KCNQ1: variants seen among roughly 807,000 people sequenced by gnomAD.
KCNQ1 encodes potassium voltage-gated channel subfamily KQT member 1.
KCNQ1 carries 49 observed loss-of-function variants against 72.4 expected under a neutral mutation model. The observed-to-expected ratio is 0.68, with a 90% CI of 0.54 to 0.86. KCNQ1 has a LOEUF of 0.86. Ranked by LOEUF, KCNQ1 falls within the 40% of genes least tolerant of loss-of-function variation. KCNQ1 has a pLI of 0.00. For synonymous variants in KCNQ1, 450 were observed against 412.6 expected (o/e 1.09, Z -1.10); for missense variants, 790 against 945.1 (o/e 0.84, Z 2.15).
chr11:2,532,304 C>G (rs1318016356), intron 2 of KCNQ1, among the ~76,000 whole-genome samples: 2 of 152,232 alleles, frequency 1.3e-5, no homozygotes, highest in Admixed American at 1.3e-4. Context: ...GCATCAAATG[C>G]ATAGGCCAGA....
At chr11:2,554,433 C>T (rs906051221) in intron 2 of KCNQ1, among the ~76,000 whole-genome samples, 16 of 152,306 alleles carry the variant, frequency 1.1e-4, no homozygotes, top group Admixed American at 9.8e-4. Flanking sequence ...GAAACAAGAC[C>T]ATGTTGTGCT....
rs138349214 is a variant in KCNQ1, at chr11:2,457,456, A to G, written c.386+11972A>G. On this transcript the variant is annotated intron_variant, in intron 1 of 15. Transcript: ENST00000155840. The surrounding 1 kb of genome is among the most constrained non-coding windows in gnomAD (Gnocchi z 5.0). ...CCATGGAATACTATGCAGACGTGAA[A>G]ATCATGTCCTTTGCAGCAACATGGA... 2.0e-5 allele frequency among the ~76,000 whole-genome samples: 3 copies of G among 152,200 alleles called. No homozygotes were observed. Among genetic ancestry groups the G allele is most frequent in the African/African-American group, 7.2e-5 (3 of 41,448 alleles).
At chr11:2,461,683 G>C (rs564790306) in intron 1 of KCNQ1, 1 of 1,367,216 alleles carries the variant, frequency 7.3e-7, no homozygotes, top group African/African-American at 1.5e-5. Context: ...AAGAGCCTGT[G>C]CTTCCTGAGC....
rs990513138 is a variant in KCNQ1, at chr11:2,750,800, T to C, written c.1515-18044T>C. On this transcript the variant is annotated intron_variant, in intron 11 of 15. Coordinates refer to ENST00000155840, the MANE Select transcript of KCNQ1 (RefSeq NM_000218.3). This position sits in a 1 kb window ranked among gnomAD's most constrained non-coding sequence, Gnocchi z 6.3. The stretch of plus-strand genomic sequence containing the variant: ...CACTGAAAACACTTTTCTTGTTTTC[T>C]TTCTCCGGCATGCTGGAAGCCGGCC... Among the ~76,000 whole-genome samples, 5 of 152,204 alleles carry C rather than the reference T, an allele frequency of 3.3e-5. No individual in the cohort carries two copies. The highest frequency in any genetic ancestry group is 4.4e-5 in the Non-Finnish European group (3 of 68,040).
At position 2,588,290 on chromosome 11, in the gene KCNQ1, C is replaced by T. The variant is rs1281231863; in HGVS notation, c.1252-423C>T. ...GCTGCCGGTGGAGCCTCCGTGCCTA[C>T]TGTTCCCTGTGCTGGAATGTTCCCC... On this transcript the variant is annotated intron_variant, in intron 9 of 15. Transcript: ENST00000155840. The surrounding 1 kb of genome is among the most constrained non-coding windows in gnomAD (Gnocchi z 5.6). Among the ~76,000 whole-genome samples the T allele has an allele frequency of 6.6e-6, 1 of 152,048 alleles. No individual in the cohort carries two copies. The highest frequency in any genetic ancestry group is 1.5e-5 in the Non-Finnish European group (1 of 67,998).
chr11:2,599,322 G>C lies in KCNQ1; in HGVS notation c.1393+10468G>C, dbSNP rs906990147. The stretch of plus-strand genomic sequence containing the variant: ...GTAAAATAGTAAAAATGCCTCTAAG[G>C]CTGCTGAAACAATTTTATTTTGATT... On this transcript the variant is annotated intron_variant, in intron 10 of 15. Coordinates refer to ENST00000155840, the MANE Select transcript of KCNQ1 (RefSeq NM_000218.3). This position sits in a 1 kb window ranked among gnomAD's most constrained non-coding sequence, Gnocchi z 4.7. 6.6e-6 allele frequency among the ~76,000 whole-genome samples: 1 copy of C among 152,026 alleles called. No individual in the cohort carries two copies. The highest frequency in any genetic ancestry group is 2.4e-5 in the African/African-American group (1 of 41,408).
chr11:2,448,678 T>G (rs1186097607), intron 1 of KCNQ1, among the ~76,000 whole-genome samples: 4 of 152,200 alleles, frequency 2.6e-5, no homozygotes, highest in Admixed American at 6.5e-5. Flanking sequence ...CCATCTTCTT[T>G]AAGATCTGTC....
rs1484374110 is a variant in KCNQ1, at chr11:2,475,054, C to T, written c.386+29570C>T. Among the ~76,000 whole-genome samples the T allele has an allele frequency of 1.3e-5, 2 of 152,148 alleles. No homozygotes were observed. Among genetic ancestry groups the T allele is most frequent in the African/African-American group, 2.4e-5 (1 of 41,434 alleles). ...TTTTTAACCCATGTTTCATGGTCTT[C>T]GGTTTACTCGCAGTGCTAGGCGTCC... On this transcript the variant is annotated intron_variant, in intron 1 of 15. Transcript: ENST00000155840. This position sits in a 1 kb window ranked among gnomAD's most constrained non-coding sequence, Gnocchi z 5.8.
At chr11:2,583,683 C>T (rs1045126448) in intron 7 of KCNQ1, 138 bp downstream of exon 7, 1 of 721,332 alleles carries the variant, frequency 1.4e-6, no homozygotes, top group East Asian at 2.7e-5. Flanking sequence ...GTGCTATACT[C>T]CAGAGCCCCA....
In KCNQ1 at chr11:2,479,855, T is replaced by G. The variant is rs1018770920; in HGVS notation, c.386+34371T>G. Among the ~76,000 whole-genome samples, 3 of 152,222 alleles carry G rather than the reference T, an allele frequency of 2.0e-5. No homozygotes were observed. Among genetic ancestry groups the G allele is most frequent in the Non-Finnish European group, 2.9e-5 (2 of 68,038 alleles). Reference sequence around the variant, plus strand: ...TCTCTGTTTCCCTTTCAAAACTGAATGCTTTTAACAACACCCAAGTCACCT... The same window carrying G: ...TCTCTGTTTCCCTTTCAAAACTGAAGGCTTTTAACAACACCCAAGTCACCT... On this transcript the variant is annotated intron_variant, in intron 1 of 15. Coordinates refer to ENST00000155840, the MANE Select transcript of KCNQ1 (RefSeq NM_000218.3). The surrounding 1 kb of genome is among the most constrained non-coding windows in gnomAD (Gnocchi z 4.6).
At position 2,482,760 on chromosome 11, in the gene KCNQ1, T is replaced by C. The variant is rs1295835144; in HGVS notation, c.386+37276T>C. 6.6e-6 allele frequency among the ~76,000 whole-genome samples: 1 copy of C among 152,078 alleles called. No homozygotes were observed. Among genetic ancestry groups the C allele is most frequent in the African/African-American group, 2.4e-5 (1 of 41,394 alleles). On this transcript the variant is annotated intron_variant, in intron 1 of 15. Transcript: ENST00000155840. This position sits in a 1 kb window ranked among gnomAD's most constrained non-coding sequence, Gnocchi z 5.7. ...CCTCTTAGTGAGGGGAGTATGTTTA[T>C]GTTTGTTGAGCTCTTTGTATTTTAG...
chr11:2,770,200 G>T (rs1383400550), intron 12 of KCNQ1, among the ~76,000 whole-genome samples: 1 of 152,136 alleles, frequency 6.6e-6, no homozygotes, highest in African/African-American at 2.4e-5. Flanking sequence ...AGTCTCCTTG[G>T]TGGAGCCCCC....
In KCNQ1 at chr11:2,570,416, C is replaced by T. The variant is rs73404676; in HGVS notation, c.478-212C>T. Among the ~76,000 whole-genome samples, 7,725 of 146,998 alleles carry T rather than the reference C, an allele frequency of 0.053. 521 individuals carry two copies. The highest frequency in any genetic ancestry group is 0.16 in the African/African-American group (6,632 of 40,818). On this transcript the variant is annotated intron_variant, in intron 2 of 15. Transcript: ENST00000155840. The stretch of plus-strand genomic sequence containing the variant: ...GAGAGCTGCAGCCTCACCTGGGCTC[C>T]ACTGCCTATGGACATGAGCTGAAGC...
rs1185575297 is a variant in KCNQ1, at chr11:2,781,903, T to C, written c.1794+3866T>C. 1.3e-5 allele frequency among the ~76,000 whole-genome samples: 2 copies of C among 152,014 alleles called. No homozygotes were observed. The highest frequency in any genetic ancestry group is 2.9e-5 in the Non-Finnish European group (2 of 67,988). On this transcript the variant is annotated intron_variant, in intron 15 of 15. Transcript: ENST00000155840. The surrounding 1 kb of genome is among the most constrained non-coding windows in gnomAD (Gnocchi z 6.6). ...CTGACACTCCTTTCACTGCCTCCGG[T>C]CGCAGAATCCAGGCCTCCAGGATGA...
intron 1 of KCNQ1, among the ~76,000 whole-genome samples, chr11:2,510,300 T>C (rs1847178081): frequency 6.6e-6 from 1 of 150,956 alleles, no homozygotes; most frequent in African/African-American, 2.4e-5. Flanking sequence ...AATTTTTAAA[T>C]AAATAAATAA....
chr11:2,733,844 T>TCTCG (rs1845903263), intron 11 of KCNQ1, among the ~76,000 whole-genome samples: 1 of 24,864 alleles, frequency 4.0e-5, no homozygotes, highest in Non-Finnish European at 8.4e-5. Flanking sequence ...TCTCTCTCTC[T>TCTCG]CTCTCTCTCT....
rs1474768222 is a variant in KCNQ1 at position 2,654,635 on chromosome 11, G to A, written c.1394-7326G>A. ...GTTACTAGGAAGGGCCCAGACACTG[G>A]CGAGAGTCTCTTGAGGGCAGAGGGC... On this transcript the variant is annotated intron_variant, in intron 10 of 15. Coordinates refer to ENST00000155840, the MANE Select transcript of KCNQ1 (RefSeq NM_000218.3). The surrounding 1 kb of genome is among the most constrained non-coding windows in gnomAD (Gnocchi z 6.4). The A allele has an allele frequency of 7.5e-6, 3 of 398,714 alleles. No individual in the cohort carries two copies. In the East Asian group the frequency reaches 1.1e-4, roughly 14 times the overall value. The allele number at this position is 398,714 out of a possible 1,614,324, so 24.7% of individuals were successfully genotyped here. A position where few individuals can be genotyped will look rare whatever the true frequency, so the allele number is the denominator to read the frequency against.
At chr11:2,665,619 C>A (rs115788288) in intron 11 of KCNQ1, 4 of 397,266 alleles carry the variant, frequency 1.0e-5, no homozygotes, top group African/African-American at 6.2e-5. Flanking sequence ...TTAGGCTGTA[C>A]GGCTGTGTCC....
In KCNQ1 at chr11:2,587,560, C is replaced by G; in HGVS notation, c.1129-10C>G. On this transcript the variant is annotated splice_polypyrimidine_tract_variant and intron_variant, in intron 8 of 15. Transcript: ENST00000155840. ...AGCAGGTGACAGCCTGTCCCCCTGC[C>G]CGACCTCAGACCGCATGGAGGTGCT... 6.2e-7 allele frequency: 1 copy of G among 1,613,604 alleles called. No homozygotes were observed. The highest frequency in any genetic ancestry group is 8.5e-7 in the Non-Finnish European group (1 of 1,180,004).
Sources: gnomAD v4.1 joint callset for allele counts (sites outside exome capture counted in the v4.1 genomes callset) on GRCh38, gnomAD v4.1.1 for gene constraint, Gnocchi (gnomAD v3.1) non-coding constraint, MANE v1.5 for transcripts, NCBI Gene and HGNC (gene_info 2026-07-23, HGNC 2026-07-21) for gene names.